Variants in ZGRF1 observed in about 807,000 individuals in gnomAD.
ZGRF1 encodes 5'-3' DNA helicase ZGRF1.
A neutral mutation model predicts 203.5 loss-of-function variants in ZGRF1; 196 were observed. The observed-to-expected ratio is 0.96, with a 90% CI of 0.86 to 1.08. The LOEUF is 1.08. ZGRF1 is among the 50% of genes least tolerant of loss of function. ZGRF1 has a pLI of 0.00. For synonymous variants in ZGRF1, 809 were observed against 841.3 expected (o/e 0.96, Z 0.66); for missense variants, 2,326 against 2,416.3 (o/e 0.96, Z 0.78).
chr4:112,573,196 A>T (rs1249109607), intron 16 of ZGRF1, among the ~76,000 whole-genome samples: 1 of 148,352 alleles, frequency 6.7e-6, no homozygotes, highest in Non-Finnish European at 1.5e-5. Context: ...ACACACACAC[A>T]CACACCCATG....
intron 24 of ZGRF1, among the ~76,000 whole-genome samples, chr4:112,546,339 G>A (rs529951764): frequency 6.6e-6 from 1 of 152,076 alleles, no homozygotes; most frequent in South Asian, 2.1e-4. Context: ...AGAGGTAGTG[G>A]TTACACAAGA....
In ZGRF1 at chr4:112,560,801, G is replaced by A; in HGVS notation, c.4892C>T (p.Ala1631Val). 1 of 1,610,422 alleles carries A rather than the reference G, an allele frequency of 6.2e-7. No homozygotes were observed. Among genetic ancestry groups the A allele is most frequent in the Admixed American group, 1.7e-5 (1 of 59,998 alleles). Residue 1631 changes from alanine to valine, a missense_variant, in exon 19 of 28, where the codon GCA becomes GTA. Ala to Val is a moderately conservative substitution (Grantham distance 64). Transcript: ENST00000505019. ...TALIQIAQMMASHESIEEVKE... is the reference protein window; with the variant it reads ...TALIQIAQMMVSHESIEEVKE... ...CACTTCTTCAATGCTTTCATGTGAT[G>A]CCATCATTTGAGCTATTTGAATTAG...
In ZGRF1 at chr4:112,606,004, T is replaced by C. The variant is rs561967905; in HGVS notation, c.2802+4A>G. The C allele has an allele frequency of 2.0e-5, 31 of 1,564,532 alleles. No individual in the cohort carries two copies. In the East Asian group the frequency reaches 6.7e-4, roughly 34 times the overall value. On this transcript the variant is annotated splice_donor_region_variant and intron_variant, in intron 9 of 27. Transcript: ENST00000505019. ...AATAAATCGATGTTCTTCACAAATT[T>C]TACCTTAGGGTCACAGGTTTTTCTC... is the stretch of plus-strand genomic sequence containing the variant.
chr4:112,579,144 C>T lies in ZGRF1; in HGVS notation c.4438+2519G>A, dbSNP rs1745759041. 1.6e-5 allele frequency among the ~76,000 whole-genome samples: 2 copies of T among 122,962 alleles called. 1 individual carries two copies. Among genetic ancestry groups the T allele is most frequent in the Admixed American group, 1.9e-4 (2 of 10,784 alleles). 80.7% of individuals were successfully genotyped at this position (122,962 alleles called of 152,430 possible). ...ATGCAAATCAATAAACATAATCCAGCATATAAACAGAACCAACGACAAAAA... is the reference window on the plus strand; with the variant it reads ...ATGCAAATCAATAAACATAATCCAGTATATAAACAGAACCAACGACAAAAA... On this transcript the variant is annotated intron_variant, in intron 16 of 27. Transcript: ENST00000505019.
intron 16 of ZGRF1, among the ~76,000 whole-genome samples, chr4:112,581,390 A>G (rs1007278990): frequency 2.0e-5 from 3 of 151,720 alleles, no homozygotes; most frequent in East Asian, 3.9e-4. Flanking sequence ...TAACAAACCT[A>G]CACGTTGTGC....
chr4:112,544,202 C>T (rs181106060), intron 24 of ZGRF1, among the ~76,000 whole-genome samples: 1 of 152,238 alleles, frequency 6.6e-6, no homozygotes, highest in Admixed American at 6.5e-5. Context: ...ACTTGAAACT[C>T]AATCTAAGGT....
At chr4:112,597,647 G>A (rs1314154242) in intron 10 of ZGRF1, among the ~76,000 whole-genome samples, 2 of 152,054 alleles carry the variant, frequency 1.3e-5, no homozygotes, top group Non-Finnish European at 2.9e-5. Context: ...TGGAGGCTGA[G>A]GTGAGTGGAT....
At chr4:112,626,997 G>A (rs959477803) in intron 3 of ZGRF1, among the ~76,000 whole-genome samples, 2 of 151,916 alleles carry the variant, frequency 1.3e-5, no homozygotes, top group Non-Finnish European at 2.9e-5. Flanking sequence ...GTAGAGACGG[G>A]GTTTCACCAC....
At chr4:112,541,332 A>G (rs980279647) in intron 24 of ZGRF1, 64 bp from the exon 25 acceptor site, 4 of 867,052 alleles carry the variant, frequency 4.6e-6, no homozygotes, top group Non-Finnish European at 6.8e-6. Flanking sequence ...AAAGAAAATT[A>G]TATTTTTAAA....
chr4:112,612,592 T>C lies in ZGRF1; in HGVS notation c.2603-4A>G. 1 of 1,574,094 alleles carries C rather than the reference T, an allele frequency of 6.4e-7. No homozygotes were observed. Among genetic ancestry groups the C allele is most frequent in the Non-Finnish European group, 8.7e-7 (1 of 1,147,106 alleles). ...ACTGTAATAAATGGTTTCCTCACTGTAATGGAGAAAAGAAATAATCATATC... is the reference window on the plus strand; with the variant it reads ...ACTGTAATAAATGGTTTCCTCACTGCAATGGAGAAAAGAAATAATCATATC... On this transcript the variant is annotated splice_polypyrimidine_tract_variant and splice_region_variant and intron_variant, in intron 6 of 27. Coordinates refer to ENST00000505019, the MANE Select transcript of ZGRF1 (RefSeq NM_018392.5).
chr4:112,603,978 T>C (rs1185023151), intron 9 of ZGRF1, among the ~76,000 whole-genome samples: 1 of 152,186 alleles, frequency 6.6e-6, no homozygotes, highest in Non-Finnish European at 1.5e-5. Context: ...ATTCCTGCAC[T>C]TTGGGAGGCC....
At chr4:112,588,303 C>T (rs1747579627) in intron 11 of ZGRF1, among the ~76,000 whole-genome samples, 1 of 152,066 alleles carries the variant, frequency 6.6e-6, no homozygotes, top group African/African-American at 2.4e-5. Flanking sequence ...TTAGCAGTAG[C>T]ATAACTACTA....
At position 112,619,178 on chromosome 4, in the gene ZGRF1, T is replaced by A; in HGVS notation, c.864A>T (p.Lys288Asn). 6.2e-7 allele frequency: 1 copy of A among 1,613,568 alleles called. No homozygotes were observed. The highest frequency in any genetic ancestry group is 8.5e-7 in the Non-Finnish European group (1 of 1,179,976). ...FPQKQPQGSL[K>N]IATKPKYLIQ... is the part of the protein sequence containing the mutation. ...TTAGGTACTTTGGTTTAGTAGCAATTTTTAAACTTCCTTGTGGTTGTTTTT... is the reference window on the plus strand; with the variant it reads ...TTAGGTACTTTGGTTTAGTAGCAATATTTAAACTTCCTTGTGGTTGTTTTT... Residue 288 changes from lysine (K) to asparagine (N), a missense_variant, in exon 6 of 28, where the codon AAA (lysine) becomes AAT (asparagine). Physicochemically the swap from Lys to Asn is moderately conservative, Grantham distance 94. Coordinates refer to ENST00000505019, the MANE Select transcript of ZGRF1 (RefSeq NM_018392.5).
chr4:112,586,022 G>A (rs1747127527), intron 13 of ZGRF1, among the ~76,000 whole-genome samples: 1 of 152,038 alleles, frequency 6.6e-6, no homozygotes, highest in Admixed American at 6.6e-5. Context: ...TAGATTGCTT[G>A]AGCCCCCTAG....
chr4:112,565,186 C>G, intron 16 of ZGRF1: 1 of 1,534,776 alleles, frequency 6.5e-7, no homozygotes, highest in Non-Finnish European at 9.0e-7. Flanking sequence ...TCGCTAACTT[C>G]CCTTCCAGCG....
chr4:112,583,952 C>T (rs767802977), intron 15 of ZGRF1, 26 bp downstream of exon 15: 20 of 1,439,182 alleles, frequency 1.4e-5, no homozygotes, highest in Non-Finnish European at 1.9e-5. Flanking sequence ...TAATCACAGG[C>T]AATTATTTGG....
intron 16 of ZGRF1, among the ~76,000 whole-genome samples, chr4:112,573,228 A>G (rs1744530292): frequency 6.6e-6 from 1 of 152,232 alleles, no homozygotes; most frequent in African/African-American, 2.4e-5. Context: ...AGCCATAAAA[A>G]GAAACGAATA....
intron 20 of ZGRF1, 80 bp from the exon 21 acceptor site, chr4:112,554,862 C>A: frequency 1.4e-6 from 1 of 701,222 alleles, no homozygotes; most frequent in Non-Finnish European, 2.4e-6. Context: ...GTTACTACAA[C>A]TAATTTTGTG....
intron 24 of ZGRF1, among the ~76,000 whole-genome samples, chr4:112,541,911 T>C (rs1362979861): frequency 6.6e-6 from 1 of 152,228 alleles, no homozygotes; most frequent in African/African-American, 2.4e-5. Flanking sequence ...GTGTCGTAAA[T>C]ATCTCGTTAA....
Sources: gnomAD v4.1 joint callset for allele counts (sites outside exome capture counted in the v4.1 genomes callset) on GRCh38, gnomAD v4.1.1 for gene constraint, MANE v1.5 for transcripts, NCBI Gene and HGNC (gene_info 2026-07-23, HGNC 2026-07-21) for gene names.